The following POLB variants were observed in gnomAD, a reference collection of about 807,000 sequenced individuals.
POLB encodes DNA polymerase beta.
In POLB, 37 loss-of-function variants were observed where a neutral mutation model predicts 52.7. That is an observed-to-expected ratio of 0.70 (90% CI 0.54 to 0.92). POLB has a LOEUF of 0.92. Ranked by LOEUF, POLB falls within the 40% of genes least tolerant of loss-of-function variation. The probability of loss-of-function intolerance (pLI) is 0.00; values close to 1 mark genes in which losing one functional copy is unlikely to be tolerated. For missense variants in POLB, 313 were observed against 400.8 expected (o/e 0.78, Z 1.87); for synonymous variants, 138 against 131.3 (o/e 1.05, Z -0.35).
intron 9 of POLB, among the ~76,000 whole-genome samples, chr8:42,359,600 G>A (rs998424342): frequency 1.4e-5 from 2 of 145,682 alleles, no homozygotes; most frequent in African/African-American, 5.1e-5. Flanking sequence ...CTTGGCTCAA[G>A]TGATCCACCC....
At chr8:42,343,063 C>T (rs2130776882) in intron 2 of POLB, among the ~76,000 whole-genome samples, 1 of 151,990 alleles carries the variant, frequency 6.6e-6, no homozygotes, top group Admixed American at 6.6e-5. Context: ...TGGCTAACGC[C>T]TGTAATCCCA....
In POLB at chr8:42,354,136, T is replaced by C. The variant is rs527272317; in HGVS notation, c.371-1380T>C. ...GAGTGTCAAGGATCTACTGTTGTGG[T>C]TTTTATATTTCACAATTCACACATA... is the stretch of plus-strand genomic sequence containing the variant. On this transcript the variant is annotated intron_variant, in intron 6 of 13. Transcript: ENST00000265421. Among the ~76,000 whole-genome samples the C allele has an allele frequency of 2.0e-4, 31 of 152,310 alleles. No individual in the cohort carries two copies. In the South Asian group the frequency reaches 6.0e-3, roughly 29 times the overall value.
At chr8:42,338,791 T>C in intron 1 of POLB, 106 bp downstream of exon 1, 3 of 1,217,228 alleles carry the variant, frequency 2.5e-6, no homozygotes, top group African/African-American at 1.5e-5. Context: ...GTAGGTTCCT[T>C]GCAGCGGGTC....
chr8:42,363,293 C>CCGAGGTCAGCGGATTA (rs1289814121), intron 11 of POLB, among the ~76,000 whole-genome samples: 1 of 151,622 alleles, frequency 6.6e-6, no homozygotes, highest in African/African-American at 2.4e-5. Context: ...CTTTGGGAGG[C>CCGAGGTCAGCGGATTA]CGAGGTCAGC....
At chr8:42,370,509 T>G (rs898049265) in intron 13 of POLB, among the ~76,000 whole-genome samples, 1 of 151,862 alleles carries the variant, frequency 6.6e-6, no homozygotes, top group Non-Finnish European at 1.5e-5. Flanking sequence ...CATTTTGTCC[T>G]CAAAGTATAA....
Position 42,338,528 on chromosome 8 carries a change from C to T in POLB, c.-97C>T, listed in dbSNP as rs564359999. ...CCGGTCGCGCCGGAGCTGGGTTGCT[C>T]CTGCTCCCGTCTCCAAGTCCTGGTA... is the stretch of plus-strand genomic sequence containing the variant. On this transcript the variant is annotated 5_prime_UTR_variant, in exon 1 of 14. Coordinates refer to ENST00000265421, the MANE Select transcript of POLB (RefSeq NM_002690.3). The T allele has an allele frequency of 1.6e-3, 1,782 of 1,118,388 alleles. 3 individuals carry two copies. The highest frequency in any genetic ancestry group is 2.1e-3 in the Non-Finnish European group (1,541 of 732,418). 69.3% of individuals were successfully genotyped at this position (1,118,388 alleles called of 1,614,324 possible).
At chr8:42,371,452 A>G (rs185828722) in intron 13 of POLB, 111 bp from the exon 14 acceptor site, 88 of 451,488 alleles carry the variant, frequency 1.9e-4, no homozygotes, top group Admixed American at 1.0e-3. Context: ...CTTGGTTACC[A>G]TTTTCTTTTT....
At chr8:42,357,728 CTTTT>C (rs373576053) in intron 9 of POLB, 74 of 145,460 alleles carry the variant, frequency 5.1e-4, no homozygotes, top group South Asian at 1.7e-3. Context: ...TTTCTTTTTC[CTTTT>C]TTTTTTTTTT....
intron 5 of POLB, among the ~76,000 whole-genome samples, chr8:42,350,905 C>T (rs979154956): frequency 2.0e-5 from 3 of 149,450 alleles, no homozygotes; most frequent in Non-Finnish European, 4.4e-5. Context: ...GTGTCTTATT[C>T]TGCTATCTAG....
In POLB at chr8:42,357,397, C is replaced by T; in HGVS notation, c.550+5C>T. ...TCTGTGGCAGTTTCAGAAGAGGTAA[C>T]ATACTTCCTAATCTTGGGTTATTTT... On this transcript the variant is annotated splice_donor_5th_base_variant and intron_variant, in intron 9 of 13. Coordinates refer to ENST00000265421, the MANE Select transcript of POLB (RefSeq NM_002690.3). 1 of 1,487,316 alleles carries T rather than the reference C, an allele frequency of 6.7e-7. No individual in the cohort carries two copies. The highest frequency in any genetic ancestry group is 9.4e-7 in the Non-Finnish European group (1 of 1,068,862). The allele number at this position is 1,487,316 out of a possible 1,614,324, so 92.1% of individuals were successfully genotyped here.
At position 42,339,148 on chromosome 8, in the gene POLB, C is replaced by G. The variant is rs568676703; in HGVS notation, c.119+79C>G. The stretch of plus-strand genomic sequence containing the variant: ...TGTGGCAATTAACAGGACTGAGGGC[C>G]CAGTGGATATTTGGTCCATCTGCAA... On this transcript the variant is annotated intron_variant, in intron 2 of 13. Coordinates refer to ENST00000265421, the MANE Select transcript of POLB (RefSeq NM_002690.3). The G allele has an allele frequency of 6.5e-6, 7 of 1,079,086 alleles. No homozygotes were observed. The South Asian group carries it at 7.5e-5, about 12-fold the overall frequency. 66.8% of individuals were successfully genotyped at this position (1,079,086 alleles called of 1,614,324 possible). A position where few individuals can be genotyped will look rare whatever the true frequency, so the allele number is the denominator to read the frequency against.
intron 13 of POLB, chr8:42,370,330 C>T (rs1002027350): frequency 5.5e-6 from 2 of 362,520 alleles, no homozygotes; most frequent in Non-Finnish European, 1.0e-5. Flanking sequence ...ACTCAAGTAT[C>T]ATTGTTTTCA....
intron 2 of POLB, among the ~76,000 whole-genome samples, chr8:42,341,101 T>A (rs1563388098): frequency 6.6e-6 from 1 of 152,234 alleles, no homozygotes; most frequent in Admixed American, 6.5e-5. Context: ...GGTGATTCCC[T>A]ACCACTCCTG....
At chr8:42,369,571 C>A in intron 12 of POLB, 1 of 522,406 alleles carries the variant, frequency 1.9e-6, no homozygotes, top group South Asian at 3.2e-5. Context: ...CCTTCCACAG[C>A]TCAAAAGTCA....
intron 6 of POLB, chr8:42,354,417 G>A: frequency 7.9e-7 from 1 of 1,263,110 alleles, no homozygotes; most frequent in Non-Finnish European, 1.0e-6. Context: ...CTTTAACAAG[G>A]CTCACAGCTG....
intron 11 of POLB, among the ~76,000 whole-genome samples, chr8:42,366,808 A>G (rs1824068945): frequency 1.3e-5 from 2 of 152,242 alleles, no homozygotes; most frequent in Admixed American, 6.5e-5. Flanking sequence ...GCCCTACGTC[A>G]GAAGACCGTT....
At chr8:42,354,048 T>C (rs747057865) in intron 6 of POLB, among the ~76,000 whole-genome samples, 10 of 152,256 alleles carry the variant, frequency 6.6e-5, no homozygotes, top group Non-Finnish European at 1.3e-4. Context: ...TATGAGAGAA[T>C]TGATTGGCTA....
rs1824406178 is a variant in POLB, at chr8:42,371,604, A to G, written c.955A>G (p.Ile319Val). The G allele has an allele frequency of 2.5e-6, 4 of 1,613,414 alleles. No individual in the cohort carries two copies. The highest frequency in any genetic ancestry group is 1.3e-5 in the African/African-American group (1 of 75,024). The change falls in exon 14 of 14, where the codon ATC becomes GTC. Residue 319 changes from isoleucine to valine, a missense_variant. Coordinates refer to ENST00000265421, the MANE Select transcript of POLB (RefSeq NM_002690.3). ...CCTGCCAGTGGATAGTGAAAAAGACATCTTTGATTACATCCAGTGGAAATA... is the reference window on the plus strand; with the variant it reads ...CCTGCCAGTGGATAGTGAAAAAGACGTCTTTGATTACATCCAGTGGAAATA... ...EPLPVDSEKD[I>V]FDYIQWKYRE...
At chr8:42,344,821 A>C (rs550301704) in intron 2 of POLB, 132 bp from the exon 3 acceptor site, 1 of 565,774 alleles carries the variant, frequency 1.8e-6, no homozygotes. Flanking sequence ...CAAAAAAAAC[A>C]AAAAAAAAGA....
Sources: gnomAD v4.1 joint callset for allele counts (sites outside exome capture counted in the v4.1 genomes callset) on GRCh38, gnomAD v4.1.1 for gene constraint, MANE v1.5 for transcripts, NCBI Gene and HGNC (gene_info 2026-07-23, HGNC 2026-07-21) for gene names.